SLC24A3: variants seen among roughly 807,000 people sequenced by gnomAD.
SLC24A3 encodes solute carrier family 24 member 3, also known as sodium/potassium/calcium exchanger 3.
Under a neutral mutation model 75.8 loss-of-function variants are expected in SLC24A3, and 28 were observed. That is an observed-to-expected ratio of 0.37 (90% confidence interval 0.27 to 0.51). The LOEUF is 0.51. Ranked by LOEUF, SLC24A3 falls within the 20% of genes least tolerant of loss-of-function variation. The pLI, the probability that SLC24A3 is intolerant of heterozygous loss-of-function variation, is 0.94. For synonymous variants in SLC24A3, 372 were observed against 334.1 expected, an observed-to-expected ratio of 1.11 and a Z score of -1.24; for missense variants, 663 against 847.8, an observed-to-expected ratio of 0.78 and a Z score of 2.71.
intron 1 of SLC24A3, among the ~76,000 whole-genome samples, chr20:19,268,538 G>A (rs762588214): frequency 2.0e-5 from 3 of 152,168 alleles, no homozygotes; most frequent in African/African-American, 4.8e-5. Context: ...TCCAGATGTG[G>A]TAATCGGGCT....
intron 3 of SLC24A3, among the ~76,000 whole-genome samples, chr20:19,545,574 A>C (rs1388267076): frequency 1.3e-5 from 2 of 152,102 alleles, no homozygotes; most frequent in East Asian, 3.9e-4. Flanking sequence ...TCCCTCTGAG[A>C]TAGGCATGGG....
At chr20:19,236,152 T>C (rs1240568161) in intron 1 of SLC24A3, among the ~76,000 whole-genome samples, 1 of 152,204 alleles carries the variant, frequency 6.6e-6, no homozygotes, top group Non-Finnish European at 1.5e-5. Context: ...GTTGGTAACA[T>C]ATGGGTCTAA....
At chr20:19,229,385 T>C (rs1288517162) in intron 1 of SLC24A3, among the ~76,000 whole-genome samples, 1 of 152,158 alleles carries the variant, frequency 6.6e-6, no homozygotes, top group Non-Finnish European at 1.5e-5. Flanking sequence ...TTAATTCCTG[T>C]GTTTATTTTC....
chr20:19,334,367 A>G (rs978479330), intron 2 of SLC24A3, among the ~76,000 whole-genome samples: 1 of 146,084 alleles, frequency 6.8e-6, no homozygotes, highest in African/African-American at 2.7e-5. Flanking sequence ...AGAAATATCA[A>G]CACAGTAAAA....
intron 3 of SLC24A3, among the ~76,000 whole-genome samples, chr20:19,563,325 T>G (rs1283125446): frequency 1.3e-5 from 2 of 152,176 alleles, no homozygotes. Flanking sequence ...ATATTAAATA[T>G]TAAAACTTCA....
In SLC24A3 at chr20:19,492,725, T is replaced by C. The variant is rs563553401; in HGVS notation, c.272-22763T>C. On this transcript the variant is annotated intron_variant, in intron 2 of 16. Transcript: ENST00000328041. ...TTTCAAAAACTGTATTTTTTGAAGC[T>C]AATTTTATTATATCTGTTTCATAAA... 4.6e-5 allele frequency among the ~76,000 whole-genome samples: 7 copies of C among 152,374 alleles called. No individual in the cohort carries two copies. In the South Asian group the frequency reaches 1.4e-3, roughly 32 times the overall value.
At position 19,212,867 on chromosome 20, in the gene SLC24A3, C is replaced by G; in HGVS notation, c.25C>G (p.Arg9Gly). Residue 9 changes from arginine to glycine, a missense_variant, in exon 1 of 17, where the codon CGC (arginine) becomes GGC (glycine). Coordinates refer to ENST00000328041, the MANE Select transcript of SLC24A3 (RefSeq NM_020689.4). Reference sequence around the variant, plus strand: ...GATGCGGCCGTCCGGCGACGAGGACCGCGCGCGTCGCCGCCGCCGCCGCCG... The same window carrying G: ...GATGCGGCCGTCCGGCGACGAGGACGGCGCGCGTCGCCGCCGCCGCCGCCG... MRPSGDED[R>G]ARRRRRRRRR... 1 of 1,235,068 alleles carries G rather than the reference C, an allele frequency of 8.1e-7. No homozygotes were observed. The highest frequency in any genetic ancestry group is 1.0e-6 in the Non-Finnish European group (1 of 982,998). 76.5% of individuals were successfully genotyped at this position (1,235,068 alleles called of 1,614,324 possible).
At chr20:19,497,617 C>T (rs6046145) in intron 2 of SLC24A3, among the ~76,000 whole-genome samples, 67,509 of 151,810 alleles carry the variant, frequency 0.44, 15,468 homozygotes, top group African/African-American at 0.55. Flanking sequence ...AACTAAACCA[C>T]GTCTAATGTT....
At chr20:19,220,600 A>G (rs1315800623) in intron 1 of SLC24A3, among the ~76,000 whole-genome samples, 1 of 152,240 alleles carries the variant, frequency 6.6e-6, no homozygotes, top group Non-Finnish European at 1.5e-5. Flanking sequence ...TAGGTGGAAT[A>G]TAGAGCTGAC....
chr20:19,422,405 C>T (rs762294472), intron 2 of SLC24A3, among the ~76,000 whole-genome samples: 72 of 152,188 alleles, frequency 4.7e-4, no homozygotes, highest in Non-Finnish European at 9.0e-4. Flanking sequence ...CAAGCAGTTA[C>T]GGGAGTAGGG....
intron 1 of SLC24A3, among the ~76,000 whole-genome samples, chr20:19,233,957 G>T (rs991737205): frequency 6.6e-6 from 1 of 152,172 alleles, no homozygotes; most frequent in Non-Finnish European, 1.5e-5. Context: ...TTGCTTTTAA[G>T]TCTCTAGCCT....
At chr20:19,236,449 G>A (rs1982170653) in intron 1 of SLC24A3, among the ~76,000 whole-genome samples, 1 of 152,138 alleles carries the variant, frequency 6.6e-6, no homozygotes, top group African/African-American at 2.4e-5. Context: ...CTCTACACTA[G>A]TTTTAGAGAA....
intron 1 of SLC24A3, among the ~76,000 whole-genome samples, chr20:19,238,769 G>A (rs1982242467): frequency 6.6e-6 from 1 of 152,144 alleles, no homozygotes; most frequent in Admixed American, 6.5e-5. Context: ...ATGCAAAGGG[G>A]ATGGCCAGAC....
chr20:19,616,766 C>T (rs1042782352), intron 6 of SLC24A3, among the ~76,000 whole-genome samples: 3 of 152,162 alleles, frequency 2.0e-5, no homozygotes, highest in African/African-American at 7.2e-5. Context: ...GGCCTCCCAC[C>T]TCTCATTCCC....
At chr20:19,639,358 T>A (rs1401973450) in intron 6 of SLC24A3, among the ~76,000 whole-genome samples, 1 of 137,718 alleles carries the variant, frequency 7.3e-6, no homozygotes, top group African/African-American at 2.7e-5. Flanking sequence ...GAGCTAGACA[T>A]AAAGGTTCTC....
chr20:19,587,872 T>C (rs754883995), intron 6 of SLC24A3, among the ~76,000 whole-genome samples: 1 of 152,214 alleles, frequency 6.6e-6, no homozygotes, highest in Non-Finnish European at 1.5e-5. Flanking sequence ...CAGTCTCAGT[T>C]AGACACCATT....
intron 2 of SLC24A3, among the ~76,000 whole-genome samples, chr20:19,346,112 G>A (rs1319278166): frequency 3.5e-5 from 2 of 57,492 alleles, no homozygotes; most frequent in African/African-American, 2.3e-4. Context: ...TATATATGGT[G>A]TGTGTGTGTG....
intron 2 of SLC24A3, among the ~76,000 whole-genome samples, chr20:19,385,728 A>G (rs557158480): frequency 2.0e-5 from 3 of 151,062 alleles, no homozygotes; most frequent in South Asian, 2.1e-4. Flanking sequence ...TGCAGCCTCA[A>G]CCTCCTGGGC....
intron 2 of SLC24A3, among the ~76,000 whole-genome samples, chr20:19,373,400 T>C (rs1986024738): frequency 6.6e-6 from 1 of 152,182 alleles, no homozygotes; most frequent in African/African-American, 2.4e-5. Flanking sequence ...GGAGACCTGG[T>C]GGAACATTCG....
Sources: gnomAD v4.1 joint callset for allele counts (sites outside exome capture counted in the v4.1 genomes callset) on GRCh38, gnomAD v4.1.1 for gene constraint, MANE v1.5 for transcripts, NCBI Gene and HGNC (gene_info 2026-07-23, HGNC 2026-07-21) for gene names.